Variants in MAP2K4 observed in about 807,000 individuals in gnomAD.
MAP2K4 encodes the protein dual specificity mitogen-activated protein kinase kinase 4.
In MAP2K4, 4 loss-of-function variants were observed where a neutral mutation model predicts 48.5. The observed-to-expected ratio is 0.08, with a 90% confidence interval of 0.04 to 0.19. The LOEUF (loss-of-function observed/expected upper bound fraction) is 0.19. Among genes scored for constraint, MAP2K4 ranks in the 10% least tolerant of loss-of-function variants. MAP2K4 has a pLI of 1.00. For synonymous variants in MAP2K4, 166 were observed against 173.1 expected (o/e 0.96, Z 0.32); for missense variants, 258 against 493.3 (o/e 0.52, Z 4.52).
intron 7 of MAP2K4, among the ~76,000 whole-genome samples, chr17:12,114,945 T>C (rs1359111726): frequency 6.6e-6 from 1 of 152,226 alleles, no homozygotes; most frequent in Non-Finnish European, 1.5e-5. Flanking sequence ...CTCTAATCTT[T>C]ACTGGACCAG....
chr17:12,042,595 C>T (rs1335083834), intron 1 of MAP2K4, among the ~76,000 whole-genome samples: 1 of 151,946 alleles, frequency 6.6e-6, no homozygotes, highest in African/African-American at 2.4e-5. Context: ...GAGATGTGAT[C>T]ATGCCACTGC....
chr17:12,141,663 C>G lies in MAP2K4; in HGVS notation c.*403C>G. The stretch of plus-strand genomic sequence containing the variant: ...GGACACAGTGATGAATGTACTATGT[C>G]TGAACATAGAAACTCGGGCTTGAGT... On this transcript the variant is annotated 3_prime_UTR_variant, in exon 11 of 11. Transcript: ENST00000353533. The G allele has an allele frequency of 3.9e-6, 1 of 253,286 alleles. No homozygotes were observed. Among genetic ancestry groups the G allele is most frequent in the Middle Eastern group, 1.2e-3 (1 of 852 alleles). 15.7% of individuals were successfully genotyped at this position (253,286 alleles called of 1,614,324 possible).
At position 12,069,728 on chromosome 17, in the gene MAP2K4, C is replaced by T. The variant is rs1236275779; in HGVS notation, c.219-11628C>T. 1.0e-5 allele frequency: 11 copies of T among 1,067,512 alleles called. No individual in the cohort carries two copies. The African/African-American group carries it at 1.9e-4, about 18-fold the overall frequency. 66.1% of individuals were successfully genotyped at this position (1,067,512 alleles called of 1,614,324 possible). A position where few individuals can be genotyped will look rare whatever the true frequency, so the allele number is the denominator to read the frequency against. ...GCAGTTTCCATGGTAACTGACAGAC[C>T]GAGTTTACTGTGGAAATTTCCGGAA... On this transcript the variant is annotated intron_variant, in intron 2 of 10. Transcript: ENST00000353533.
At position 12,143,166 on chromosome 17, in the gene MAP2K4, C is replaced by G. The variant is rs1973428819; in HGVS notation, c.*1906C>G. ...CCTTCGACCACAGCAAGCCATCATC[C>G]TCCATTGCTCCCGGGGACTCAAGAG... is the stretch of plus-strand genomic sequence containing the variant. On this transcript the variant is annotated 3_prime_UTR_variant, in exon 11 of 11. Transcript: ENST00000353533. 1 of 232,988 alleles carries G rather than the reference C, an allele frequency of 4.3e-6. No individual in the cohort carries two copies. Among genetic ancestry groups the G allele is most frequent in the South Asian group, 1.8e-4 (1 of 5,528 alleles). 14.4% of individuals were successfully genotyped at this position (232,988 alleles called of 1,614,324 possible).
chr17:12,094,688 A>G (rs1009035199), intron 3 of MAP2K4, among the ~76,000 whole-genome samples: 1 of 151,782 alleles, frequency 6.6e-6, no homozygotes, highest in African/African-American at 2.4e-5. Flanking sequence ...GTCCCTCCCA[A>G]CACCTCTGTG....
chr17:12,128,139 G>A lies in MAP2K4; in HGVS notation c.892-1000G>A, dbSNP rs148443140. Among the ~76,000 whole-genome samples the A allele has an allele frequency of 2.6e-3, 402 of 152,272 alleles. 3 individuals carry two copies. The highest frequency in any genetic ancestry group is 9.2e-3 in the African/African-American group (384 of 41,562). On this transcript the variant is annotated intron_variant, in intron 8 of 10. Coordinates refer to ENST00000353533, the MANE Select transcript of MAP2K4 (RefSeq NM_003010.4). The stretch of plus-strand genomic sequence containing the variant: ...GTCCCCCAGGCTGGAGTGCAGTGGC[G>A]CAATCTCGGCTCACTGCAAACTCCG...
At chr17:12,113,463 A>G in intron 7 of MAP2K4, 103 bp downstream of exon 7, 2 of 1,401,576 alleles carry the variant, frequency 1.4e-6, no homozygotes, top group Non-Finnish European at 9.7e-7. Context: ...TGAAACTGCT[A>G]GAATATTTCC....
At chr17:12,089,461 G>A (rs192576221) in intron 3 of MAP2K4, among the ~76,000 whole-genome samples, 217 of 152,178 alleles carry the variant, frequency 1.4e-3, no homozygotes, top group Non-Finnish European at 2.4e-3. Context: ...GTTTTAATTG[G>A]TGCCTGGAAG....
chr17:12,039,385 A>G (rs1482291848), intron 1 of MAP2K4, among the ~76,000 whole-genome samples: 1 of 152,174 alleles, frequency 6.6e-6, no homozygotes, highest in Non-Finnish European at 1.5e-5. Context: ...ATTTTTGAAA[A>G]CTTTTAATAG....
chr17:12,135,057 T>A (rs1973159331), intron 9 of MAP2K4, among the ~76,000 whole-genome samples: 1 of 152,050 alleles, frequency 6.6e-6, no homozygotes, highest in South Asian at 2.1e-4. Flanking sequence ...AATGTGCCAC[T>A]ACACCTGGCT....
chr17:12,068,892 GA>G (rs1970700815), intron 2 of MAP2K4, among the ~76,000 whole-genome samples: 1 of 152,080 alleles, frequency 6.6e-6, no homozygotes, highest in Non-Finnish European at 1.5e-5. Context: ...ATAAAAAGTT[GA>G]AAATTGCTGC....
intron 7 of MAP2K4, among the ~76,000 whole-genome samples, chr17:12,123,009 A>G (rs1277123463): frequency 4.6e-5 from 7 of 152,064 alleles, no homozygotes; most frequent in African/African-American, 1.7e-4. Flanking sequence ...ACCTCTTTGT[A>G]TGTTGCTGGA....
chr17:12,103,958 A>G (rs1972027086), intron 4 of MAP2K4, among the ~76,000 whole-genome samples: 1 of 152,148 alleles, frequency 6.6e-6, no homozygotes, highest in South Asian at 2.1e-4. Flanking sequence ...TTATAATTAT[A>G]AACAGCACAA....
chr17:12,049,347 G>A (rs143704941), intron 1 of MAP2K4, among the ~76,000 whole-genome samples: 327 of 152,318 alleles, frequency 2.1e-3, no homozygotes, highest in Non-Finnish European at 3.3e-3. Flanking sequence ...TTTATTGTGT[G>A]GTGGTTCTAG....
At chr17:12,092,589 A>T (rs1249075019) in intron 3 of MAP2K4, among the ~76,000 whole-genome samples, 14 of 152,190 alleles carry the variant, frequency 9.2e-5, no homozygotes, top group Admixed American at 9.2e-4. Flanking sequence ...TGAGTTATTA[A>T]AATCACTAAT....
intron 1 of MAP2K4, chr17:12,032,259 A>G (rs1281265038): frequency 7.0e-7 from 1 of 1,418,828 alleles, no homozygotes. Flanking sequence ...TATCTTTTTT[A>G]CTTTAGGCTT....
intron 2 of MAP2K4, chr17:12,069,647 T>C: frequency 2.0e-6 from 2 of 981,308 alleles, no homozygotes; most frequent in Non-Finnish European, 2.4e-6. Flanking sequence ...TTTTTCCTTT[T>C]GCCTCATCTT....
intron 2 of MAP2K4, 100 bp downstream of exon 2, chr17:12,055,091 C>A: frequency 3.0e-6 from 2 of 666,662 alleles, no homozygotes; most frequent in South Asian, 2.1e-5. Flanking sequence ...TATAATTTCT[C>A]TGACTAAACT....
intron 3 of MAP2K4, among the ~76,000 whole-genome samples, chr17:12,088,246 A>G (rs1029091886): frequency 6.6e-6 from 1 of 151,840 alleles, no homozygotes; most frequent in Non-Finnish European, 1.5e-5. Flanking sequence ...ATCATTGACT[A>G]GCAGTGGATT....
Sources: allele counts gnomAD v4.1 joint callset (sites outside exome capture counted in the v4.1 genomes callset), GRCh38; gene constraint gnomAD v4.1.1; transcripts MANE v1.5; gene names NCBI Gene and HGNC (gene_info 2026-07-23, HGNC 2026-07-21).